The following TNIP1 variants were observed in gnomAD, a reference collection of about 807,000 sequenced individuals.
TNIP1 encodes TNFAIP3 interacting protein 1, also known as TNFAIP3-interacting protein 1.
TNIP1 carries 22 observed loss-of-function variants against 86.6 expected under a neutral mutation model. The ratio of observed to expected loss-of-function variants is 0.25; its 90% confidence interval spans 0.18 to 0.36. TNIP1 has a LOEUF of 0.36. TNIP1 is among the 10% of genes least tolerant of loss of function. The pLI, the probability that TNIP1 is intolerant of heterozygous loss-of-function variation, is 1.00. For missense variants in TNIP1, 709 were observed against 820.6 expected (o/e 0.86, Z 1.66); for synonymous variants, 294 against 313.0 (o/e 0.94, Z 0.64).
intron 12 of TNIP1, 23 bp downstream of exon 12, chr5:151,039,074 G>C: frequency 1.9e-6 from 3 of 1,606,200 alleles, no homozygotes; most frequent in Non-Finnish European, 2.6e-6. Context: ...GCCCAGCCAA[G>C]GGACCCGGGC....
chr5:151,083,522 C>G (rs1764161854), upstream of TNIP1, among the ~76,000 whole-genome samples: 1 of 152,226 alleles, frequency 6.6e-6, no homozygotes, highest in African/African-American at 2.4e-5. Flanking sequence ...ATTTCCAAGT[C>G]AAGAAGCTGG....
intron 6 of TNIP1, among the ~76,000 whole-genome samples, chr5:151,053,779 T>C (rs944611774): frequency 2.6e-5 from 4 of 152,146 alleles, no homozygotes; most frequent in African/African-American, 9.7e-5. Context: ...ATGTTAAAGG[T>C]AGGGAAACCA....
At chr5:151,052,294 G>C (rs755749207) in intron 6 of TNIP1, 35 bp from the exon 7 acceptor site, 1 of 1,589,074 alleles carries the variant, frequency 6.3e-7, no homozygotes, top group Admixed American at 1.7e-5. Flanking sequence ...GTGAGGGAAA[G>C]GAGGGGCCCC....
At chr5:151,067,006 G>A (rs1311510335) in intron 1 of TNIP1, among the ~76,000 whole-genome samples, 4 of 152,146 alleles carry the variant, frequency 2.6e-5, no homozygotes, top group Non-Finnish European at 5.9e-5. Flanking sequence ...AAGTTCTGAT[G>A]AGAAGGACCC....
upstream of TNIP1, among the ~76,000 whole-genome samples, chr5:151,085,245 T>C (rs1282954947): frequency 6.6e-6 from 1 of 152,206 alleles, no homozygotes; most frequent in Non-Finnish European, 1.5e-5. Context: ...ATCAATGACA[T>C]GAAGGCTGTA....
intron 1 of TNIP1, among the ~76,000 whole-genome samples, chr5:151,086,105 C>A (rs1764268491): frequency 1.3e-5 from 2 of 152,178 alleles, no homozygotes; most frequent in Non-Finnish European, 2.9e-5. Flanking sequence ...GGCCTTTCTT[C>A]ATCATTCCTG....
At chr5:151,086,783 TA>T (rs1188184591) in intron 1 of TNIP1, among the ~76,000 whole-genome samples, 1 of 152,038 alleles carries the variant, frequency 6.6e-6, no homozygotes, top group African/African-American at 2.4e-5. Context: ...GAAAAGCTAG[TA>T]ACAACTAGAG....
intron 1 of TNIP1, among the ~76,000 whole-genome samples, chr5:151,073,471 CA>C (rs1763038719): frequency 6.6e-6 from 1 of 151,964 alleles, no homozygotes; most frequent in African/African-American, 2.4e-5. Context: ...ATACAGCCAT[CA>C]AAAAGAATGG....
At chr5:151,034,451 C>A (rs1168354475) in intron 15 of TNIP1, 12 of 232,982 alleles carry the variant, frequency 5.2e-5, no homozygotes, top group Non-Finnish European at 8.5e-5. Context: ...AGGCTGGGCA[C>A]ATGGGCATGG....
At chr5:151,062,681 TG>T (rs1761733827) in intron 3 of TNIP1, among the ~76,000 whole-genome samples, 1 of 152,192 alleles carries the variant, frequency 6.6e-6, no homozygotes, top group South Asian at 2.1e-4. Context: ...CCTGACTTCC[TG>T]CAGTCCTTGC....
intron 15 of TNIP1, chr5:151,034,532 T>G (rs1757436010): frequency 3.9e-6 from 1 of 257,486 alleles, no homozygotes; most frequent in South Asian, 3.1e-5. Flanking sequence ...CACAGAAGGC[T>G]GGGCACATGG....
Position 151,033,780 on chromosome 5 carries a change from T to C in TNIP1, c.1607A>G (p.His536Arg), listed in dbSNP as rs763948793. The C allele has an allele frequency of 5.6e-5, 77 of 1,368,444 alleles. No homozygotes were observed. Among genetic ancestry groups the C allele is most frequent in the Non-Finnish European group, 7.0e-5 (74 of 1,054,502 alleles). The allele number at this position is 1,368,444 out of a possible 1,614,324, so 84.8% of individuals were successfully genotyped here. A position where few individuals can be genotyped will look rare whatever the true frequency, so the allele number is the denominator to read the frequency against. Residue 536 changes from histidine to arginine, a missense_variant, in exon 16 of 18, where the codon CAT (histidine) becomes CGT (arginine). Physicochemically the swap from His to Arg is conservative, Grantham distance 29. Coordinates refer to ENST00000521591, the MANE Select transcript of TNIP1 (RefSeq NM_006058.5). ...RKAKASGERY[H>R]VEPHPEHLCG... ...GAGATGTTCTGGGTGGGGCTCCACATGGTAACGCTCTCCTGAGGCCTGCAA... is the reference window on the plus strand; with the variant it reads ...GAGATGTTCTGGGTGGGGCTCCACACGGTAACGCTCTCCTGAGGCCTGCAA...
Position 151,071,137 on chromosome 5 carries a change from G to C in TNIP1, c.-36-6006C>G, listed in dbSNP as rs1672773082. Among the ~76,000 whole-genome samples the C allele has an allele frequency of 8.5e-5, 13 of 152,200 alleles. 1 individual carries two copies. The South Asian group carries it at 2.7e-3, about 32-fold the overall frequency. On this transcript the variant is annotated intron_variant, in intron 1 of 17. Coordinates refer to ENST00000521591, the MANE Select transcript of TNIP1 (RefSeq NM_006058.5). ...AGGTCTTTAATTTAAAAGAGAAAAG[G>C]ACCAGGCTGGGCTCTCCTGATGGCT... is the stretch of plus-strand genomic sequence containing the variant.
chr5:151,067,185 C>A (rs985953538), intron 1 of TNIP1, among the ~76,000 whole-genome samples: 2 of 152,236 alleles, frequency 1.3e-5, no homozygotes, highest in South Asian at 4.1e-4. Flanking sequence ...TACAGCATAG[C>A]ACAAAGTGCA....
upstream of TNIP1, among the ~76,000 whole-genome samples, chr5:151,085,517 C>G (rs1284200463): frequency 1.3e-5 from 2 of 152,236 alleles, no homozygotes; most frequent in Non-Finnish European, 2.9e-5. Context: ...TCTATCCCAA[C>G]TATTTTCCCT....
intron 6 of TNIP1, among the ~76,000 whole-genome samples, chr5:151,054,980 T>C (rs1177861947): frequency 3.3e-5 from 5 of 152,252 alleles, no homozygotes; most frequent in African/African-American, 1.2e-4. Context: ...GAGAGCTGTT[T>C]CCTTGGAGTC....
At chr5:151,050,088 A>G (rs1759710724) in intron 7 of TNIP1, 141 bp from the exon 8 acceptor site, 1 of 1,399,416 alleles carries the variant, frequency 7.1e-7, no homozygotes, top group South Asian at 1.4e-5. Flanking sequence ...CCTCCTGGAA[A>G]ACCAAAAAGG....
chr5:151,061,479 GA>G (rs1352041151), intron 4 of TNIP1, among the ~76,000 whole-genome samples: 2 of 138,200 alleles, frequency 1.4e-5, no homozygotes, highest in African/African-American at 5.6e-5. Flanking sequence ...CAAATCTGTA[GA>G]TTTTTTTTTT....
intron 8 of TNIP1, among the ~76,000 whole-genome samples, chr5:151,047,016 G>C (rs996815278): frequency 2.6e-5 from 4 of 152,200 alleles, no homozygotes; most frequent in African/African-American, 9.7e-5. Context: ...ATCAGTGAGT[G>C]AAAGTTTAAG....
Sources: gnomAD v4.1 joint callset for allele counts (sites outside exome capture counted in the v4.1 genomes callset) on GRCh38, gnomAD v4.1.1 for gene constraint, MANE v1.5 for transcripts, NCBI Gene and HGNC (gene_info 2026-07-23, HGNC 2026-07-21) for gene names.